The following RBFOX3 variants were observed in gnomAD, a reference collection of about 807,000 sequenced individuals.
RBFOX3 encodes the protein RNA binding fox-1 homolog 3.
Under a neutral mutation model 48.7 loss-of-function variants are expected in RBFOX3, and 17 were observed. That is an observed-to-expected ratio of 0.35 (90% CI 0.24 to 0.52). The LOEUF (loss-of-function observed/expected upper bound fraction) is 0.52. RBFOX3 is among the 20% of genes least tolerant of loss of function. The pLI is 0.94. For synonymous variants in RBFOX3, 212 were observed against 209.5 expected, an observed-to-expected ratio of 1.01 and a Z score of -0.10; for missense variants, 382 against 497.5, an observed-to-expected ratio of 0.77 and a Z score of 2.21.
At chr17:79,206,412 G>C (rs1360677669) in intron 4 of RBFOX3, among the ~76,000 whole-genome samples, 1 of 152,178 alleles carries the variant, frequency 6.6e-6, no homozygotes, top group East Asian at 1.9e-4. Flanking sequence ...TGGCGGATAA[G>C]GCTGTGTGAG....
chr17:79,455,323 C>G (rs910217009), intron 2 of RBFOX3, among the ~76,000 whole-genome samples: 2 of 152,068 alleles, frequency 1.3e-5, no homozygotes, highest in African/African-American at 4.8e-5. Flanking sequence ...AGGAGAAATT[C>G]GGAAATTGTT....
rs367723519 is a variant in RBFOX3, at chr17:79,479,238, G to A, written c.-175+3216C>T. Among the ~76,000 whole-genome samples, 24 of 152,270 alleles carry A rather than the reference G, an allele frequency of 1.6e-4. No individual in the cohort carries two copies. Among genetic ancestry groups the A allele is most frequent in the African/African-American group, 4.8e-4 (20 of 41,556 alleles). Reference sequence around the variant, plus strand: ...TGGTAGCCCAAGGGGTGGTTTTGGCGGCCCCTTCTCTGAAGCCCATGTCCA... The same window carrying A: ...TGGTAGCCCAAGGGGTGGTTTTGGCAGCCCCTTCTCTGAAGCCCATGTCCA... On this transcript the variant is annotated intron_variant, in intron 2 of 14. Coordinates refer to ENST00000693108, the MANE Select transcript of RBFOX3 (RefSeq NM_001350451.2). This position sits in a 1 kb window ranked among gnomAD's most constrained non-coding sequence, Gnocchi z 5.1.
At chr17:79,468,640 A>AGGATGGATGGAT (rs1423585784) in intron 2 of RBFOX3, among the ~76,000 whole-genome samples, 1 of 151,380 alleles carries the variant, frequency 6.6e-6, no homozygotes, top group Non-Finnish European at 1.5e-5. Flanking sequence ...GATAGACAGA[A>AGGATGGATGGAT]GGATGGATGG....
chr17:79,245,629 A>ATTTTT (rs10577875), intron 3 of RBFOX3, among the ~76,000 whole-genome samples: 5 of 130,284 alleles, frequency 3.8e-5, no homozygotes, highest in African/African-American at 1.2e-4. Context: ...GAACATTTGG[A>ATTTTT]TTTTTTTTTT....
At position 79,458,178 on chromosome 17, in the gene RBFOX3, C is replaced by T. The variant is rs141263904; in HGVS notation, c.-175+24276G>A. Among the ~76,000 whole-genome samples the T allele has an allele frequency of 4.0e-3, 612 of 152,356 alleles. 3 individuals are homozygous for T. Among genetic ancestry groups the T allele is most frequent in the Non-Finnish European group, 7.5e-3 (507 of 68,038 alleles). ...CATGGTAGGCAGGCACGCAGTGTCT[C>T]GAAGCAGTCGGCGCACACGGTTACC... On this transcript the variant is annotated intron_variant, in intron 2 of 14. Transcript: ENST00000693108.
intron 4 of RBFOX3, among the ~76,000 whole-genome samples, chr17:79,162,086 G>T (rs1018889052): frequency 6.6e-6 from 1 of 152,170 alleles, no homozygotes; most frequent in Non-Finnish European, 1.5e-5. Flanking sequence ...GAAAAAGGAG[G>T]CCAAATCTCA....
chr17:79,430,782 T>C (rs1364188262), intron 2 of RBFOX3, among the ~76,000 whole-genome samples: 1 of 152,220 alleles, frequency 6.6e-6, no homozygotes, highest in African/African-American at 2.4e-5. Context: ...TGACCTCAGA[T>C]GATCCACCCG....
intron 4 of RBFOX3, among the ~76,000 whole-genome samples, chr17:79,165,562 C>T (rs796551317): frequency 2.0e-5 from 3 of 152,296 alleles, no homozygotes; most frequent in African/African-American, 7.2e-5. Context: ...CGGGAGGTGA[C>T]GGGATGAACT....
intron 4 of RBFOX3, among the ~76,000 whole-genome samples, chr17:79,132,152 C>T (rs1221392894): frequency 6.6e-6 from 1 of 151,662 alleles, no homozygotes; most frequent in East Asian, 2.0e-4. Context: ...CGGACGGAAA[C>T]ACCAACAGTT....
At chr17:79,430,188 T>C (rs1242113696) in intron 2 of RBFOX3, among the ~76,000 whole-genome samples, 1 of 152,066 alleles carries the variant, frequency 6.6e-6, no homozygotes, top group East Asian at 1.9e-4. Flanking sequence ...ATTTGAACAA[T>C]AGCCCAGTCA....
chr17:79,471,688 A>G lies in RBFOX3; in HGVS notation c.-175+10766T>C, dbSNP rs1398401728. Among the ~76,000 whole-genome samples, 1 of 152,078 alleles carries G rather than the reference A, an allele frequency of 6.6e-6. No individual in the cohort carries two copies. The highest frequency in any genetic ancestry group is 6.6e-5 in the Admixed American group (1 of 15,266). ...AAAGTGCTTTTTATAACAAGAAAGGACTCTGAACGTTGTCAGGTGAGTAGC... is the reference window on the plus strand; with the variant it reads ...AAAGTGCTTTTTATAACAAGAAAGGGCTCTGAACGTTGTCAGGTGAGTAGC... On this transcript the variant is annotated intron_variant, in intron 2 of 14. Coordinates refer to ENST00000693108, the MANE Select transcript of RBFOX3 (RefSeq NM_001350451.2). This position sits in a 1 kb window ranked among gnomAD's most constrained non-coding sequence, Gnocchi z 4.0.
At position 79,473,540 on chromosome 17, in the gene RBFOX3, C is replaced by T. The variant is rs112259272; in HGVS notation, c.-175+8914G>A. ...ACTCCAGGCACACAGATGCCTCCCACAAGAAGTTGTGTTACGAGTGTATTA... is the reference window on the plus strand; with the variant it reads ...ACTCCAGGCACACAGATGCCTCCCATAAGAAGTTGTGTTACGAGTGTATTA... On this transcript the variant is annotated intron_variant, in intron 2 of 14. Transcript: ENST00000693108. The surrounding 1 kb of genome is among the most constrained non-coding windows in gnomAD (Gnocchi z 4.2). Among the ~76,000 whole-genome samples, 2 of 152,330 alleles carry T rather than the reference C, an allele frequency of 1.3e-5. No homozygotes were observed. The highest frequency in any genetic ancestry group is 4.1e-4 in the South Asian group (2 of 4,830).
intron 3 of RBFOX3, 71 bp from the exon 4 acceptor site, chr17:79,235,876 C>T (rs1837664157): frequency 6.5e-6 from 1 of 153,494 alleles, no homozygotes; most frequent in African/African-American, 2.4e-5. Flanking sequence ...TGGTTGCTGG[C>T]GATGCTATTT....
At chr17:79,271,128 C>T (rs1204243688) in intron 3 of RBFOX3, among the ~76,000 whole-genome samples, 1 of 151,008 alleles carries the variant, frequency 6.6e-6, no homozygotes, top group African/African-American at 2.4e-5. Context: ...CAGGCTGGAG[C>T]GCAATGGTGC....
Position 79,092,613 on chromosome 17 carries a change from C to T in RBFOX3, c.1078-1728G>A, listed in dbSNP as rs935558356. On this transcript the variant is annotated intron_variant, in intron 14 of 14. Coordinates refer to ENST00000693108, the MANE Select transcript of RBFOX3 (RefSeq NM_001350451.2). ...GGTCTCTTGCTAGTAGGGGGTGAAGCGGCTGTACCCTCCTCGGCAGAGGCT... is the reference window on the plus strand; with the variant it reads ...GGTCTCTTGCTAGTAGGGGGTGAAGTGGCTGTACCCTCCTCGGCAGAGGCT... The T allele has an allele frequency of 1.8e-5, 18 of 987,032 alleles. No homozygotes were observed. In the African/African-American group the frequency reaches 2.3e-4, roughly 12 times the overall value. 61.1% of individuals were successfully genotyped at this position (987,032 alleles called of 1,614,324 possible). A position where few individuals can be genotyped will look rare whatever the true frequency, so the allele number is the denominator to read the frequency against.
intron 3 of RBFOX3, among the ~76,000 whole-genome samples, chr17:79,288,446 C>T (rs1051611427): frequency 4.6e-5 from 7 of 151,976 alleles, no homozygotes; most frequent in Non-Finnish European, 1.0e-4. Context: ...TAGTGGGGCC[C>T]GATAACCACT....
intron 2 of RBFOX3, among the ~76,000 whole-genome samples, chr17:79,367,312 C>T (rs1454314460): frequency 1.4e-5 from 2 of 146,270 alleles, no homozygotes; most frequent in South Asian, 4.6e-4. Context: ...CCTCTTCCCC[C>T]TTCCCCTCCT....
At chr17:79,171,963 G>C (rs111239081) in intron 4 of RBFOX3, among the ~76,000 whole-genome samples, 216 of 152,204 alleles carry the variant, frequency 1.4e-3, no homozygotes, top group African/African-American at 4.9e-3. Flanking sequence ...CCTGAGGTCA[G>C]GAGAGTTCGA....
At chr17:79,118,756 T>C (rs1466027510) in intron 4 of RBFOX3, among the ~76,000 whole-genome samples, 1 of 151,358 alleles carries the variant, frequency 6.6e-6, no homozygotes, top group Non-Finnish European at 1.5e-5. Flanking sequence ...GAGGATTGCT[T>C]GAGCCCAGGA....
Sources: allele counts gnomAD v4.1 joint callset (sites outside exome capture counted in the v4.1 genomes callset), GRCh38; gene constraint gnomAD v4.1.1; non-coding constraint Gnocchi (gnomAD v3.1); transcripts MANE v1.5; gene names NCBI Gene and HGNC (gene_info 2026-07-23, HGNC 2026-07-21).